The following MTRF1 variants were observed in gnomAD, a reference collection of about 807,000 sequenced individuals.
MTRF1 encodes peptide chain release factor 1, mitochondrial.
Under a neutral mutation model 62.9 loss-of-function variants are expected in MTRF1, and 51 were observed. That is an observed-to-expected ratio of 0.81 (90% CI 0.65 to 1.02). The LOEUF (loss-of-function observed/expected upper bound fraction) is 1.02. MTRF1 is among the 50% of genes least tolerant of loss of function. The probability of loss-of-function intolerance (pLI) is 0.00; values close to 1 mark genes in which losing one functional copy is unlikely to be tolerated. For missense variants in MTRF1, 446 were observed against 530.0 expected, an observed-to-expected ratio of 0.84 and a Z score of 1.56; for synonymous variants, 158 against 181.9, an observed-to-expected ratio of 0.87 and a Z score of 1.06.
At chr13:41,252,854 A>C (rs1463965410) in intron 4 of MTRF1, 95 bp downstream of exon 4, 3 of 1,366,944 alleles carry the variant, frequency 2.2e-6, no homozygotes, top group African/African-American at 1.5e-5. Context: ...TCCAAATTTA[A>C]ATACATTTAA....
chr13:41,257,672 C>T (rs2039907589), intron 2 of MTRF1: 1 of 337,988 alleles, frequency 3.0e-6, no homozygotes, highest in African/African-American at 2.1e-5. Context: ...GTTGCACACA[C>T]CTGTAGTCCC....
upstream of MTRF1, among the ~76,000 whole-genome samples, chr13:41,265,220 C>T (rs773599526): frequency 4.6e-5 from 7 of 151,980 alleles, no homozygotes; most frequent in African/African-American, 1.2e-4. Flanking sequence ...GTCAGGAGTT[C>T]GAAACCAGCC....
At chr13:41,311,614 C>G in the MTRF1 span, 2 of 1,590,964 alleles carry the variant, frequency 1.3e-6, no homozygotes, top group Non-Finnish European at 8.6e-7. Flanking sequence ...TGCCGCCCCC[C>G]GGTCCCCGGG....
intron 9 of MTRF1, chr13:41,220,447 A>G: frequency 8.9e-6 from 5 of 562,262 alleles, no homozygotes; most frequent in Non-Finnish European, 1.2e-5. Flanking sequence ...AAATCTGCAC[A>G]AGGACATTGA....
chr13:41,294,273 C>T, the MTRF1 span, among the ~76,000 whole-genome samples: 1 of 151,880 alleles, frequency 6.6e-6, no homozygotes, highest in African/African-American at 2.4e-5. Flanking sequence ...CAAAAATTAG[C>T]TGGGCGTGGT....
intron 5 of MTRF1, among the ~76,000 whole-genome samples, chr13:41,240,884 G>GT (rs1186389085): frequency 6.6e-6 from 1 of 152,020 alleles, no homozygotes; most frequent in Non-Finnish European, 1.5e-5. Context: ...GGCTAATAGG[G>GT]TATCATATAT....
chr13:41,304,548 A>G, the MTRF1 span, among the ~76,000 whole-genome samples: 1 of 152,248 alleles, frequency 6.6e-6, no homozygotes, highest in African/African-American at 2.4e-5. Context: ...GAAAGAAACT[A>G]TTCCAATGAA....
At chr13:41,281,324 T>C in the MTRF1 span, among the ~76,000 whole-genome samples, 1 of 152,226 alleles carries the variant, frequency 6.6e-6, no homozygotes, top group Non-Finnish European at 1.5e-5. Flanking sequence ...TGGTCAGCCA[T>C]CCAAATCCAT....
At chr13:41,254,652 T>C (rs1432048234) in intron 2 of MTRF1, 32 bp from the exon 3 acceptor site, 1 of 1,537,158 alleles carries the variant, frequency 6.5e-7, no homozygotes, top group Non-Finnish European at 9.0e-7. Flanking sequence ...AATGATAAAG[T>C]TTTTAAATAC....
At chr13:41,275,681 C>T in the MTRF1 span, among the ~76,000 whole-genome samples, 2 of 151,648 alleles carry the variant, frequency 1.3e-5, no homozygotes, top group Non-Finnish European at 2.9e-5. Context: ...TTAGTAGAGA[C>T]AGGGTTTCAC....
At chr13:41,303,528 T>G in the MTRF1 span, among the ~76,000 whole-genome samples, 1 of 152,294 alleles carries the variant, frequency 6.6e-6, no homozygotes, top group East Asian at 1.9e-4. Context: ...GAATGAAGAC[T>G]TGATTGAGGA....
At chr13:41,310,113 A>G in the MTRF1 span, among the ~76,000 whole-genome samples, 1 of 152,248 alleles carries the variant, frequency 6.6e-6, no homozygotes, top group African/African-American at 2.4e-5. Flanking sequence ...CAGCACATGT[A>G]TAAATAAACT....
chr13:41,223,615 C>T lies in MTRF1; in HGVS notation c.1126-261G>A, dbSNP rs575505246. ...AAATCAAATTAATCATCTTTCCACT[C>T]CAATCAGTTCCCCCTCCTGGTTTCT... On this transcript the variant is annotated intron_variant, in intron 8 of 9. Transcript: ENST00000379480. Among the ~76,000 whole-genome samples the T allele has an allele frequency of 2.0e-5, 3 of 152,290 alleles. No homozygotes were observed. In the East Asian group the frequency reaches 5.8e-4, roughly 29 times the overall value.
At chr13:41,296,576 A>G in the MTRF1 span, among the ~76,000 whole-genome samples, 1 of 152,192 alleles carries the variant, frequency 6.6e-6, no homozygotes, top group African/African-American at 2.4e-5. Context: ...GGCATTGTCA[A>G]ATAACAATAA....
intron 8 of MTRF1, 38 bp downstream of exon 8, chr13:41,226,394 T>TA: frequency 6.3e-7 from 1 of 1,583,958 alleles, no homozygotes; most frequent in South Asian, 1.2e-5. Flanking sequence ...GACTTTTCTT[T>TA]AAACAGTCAC....
the MTRF1 span, among the ~76,000 whole-genome samples, chr13:41,277,297 AT>A: frequency 1.3e-5 from 2 of 151,468 alleles, no homozygotes; most frequent in East Asian, 1.9e-4. Context: ...ACACCCAGCT[AT>A]TTTTTTTATT....
intron 8 of MTRF1, among the ~76,000 whole-genome samples, chr13:41,225,180 C>G (rs1453342433): frequency 7.3e-6 from 1 of 137,856 alleles, no homozygotes; most frequent in Non-Finnish European, 1.5e-5. Flanking sequence ...CCACTGCACT[C>G]TAGCCTGGGT....
At chr13:41,246,158 T>C (rs2038225587) in intron 5 of MTRF1, among the ~76,000 whole-genome samples, 1 of 152,176 alleles carries the variant, frequency 6.6e-6, no homozygotes. Flanking sequence ...TTCTCCAGTT[T>C]TCAGATCCGG....
the MTRF1 span, among the ~76,000 whole-genome samples, chr13:41,295,447 A>T: frequency 6.6e-6 from 1 of 152,240 alleles, no homozygotes; most frequent in African/African-American, 2.4e-5. Flanking sequence ...CTGTCTGCTT[A>T]AATTCAAGTA....
Sources: allele counts gnomAD v4.1 joint callset (sites outside exome capture counted in the v4.1 genomes callset), GRCh38; gene constraint gnomAD v4.1.1; transcripts MANE v1.5; gene names NCBI Gene and HGNC (gene_info 2026-07-23, HGNC 2026-07-21).